Variants in VPS13C observed in about 807,000 individuals in gnomAD.
The protein encoded by VPS13C is intermembrane lipid transfer protein VPS13C.
Under a neutral mutation model 456.8 loss-of-function variants are expected in VPS13C, and 358 were observed. That is an observed-to-expected ratio of 0.78 (90% CI 0.72 to 0.86). The LOEUF (loss-of-function observed/expected upper bound fraction) is 0.86, where lower values mean the gene tolerates loss of function less well. Ranked by LOEUF, VPS13C falls within the 40% of genes least tolerant of loss-of-function variation. The pLI is 0.00. For missense variants in VPS13C, 4,818 were observed against 4,385.4 expected (o/e 1.10, Z -2.79); for synonymous variants, 1,578 against 1,486.7 (o/e 1.06, Z -1.41).
At chr15:61,900,324 T>A (rs1261646983) in intron 66 of VPS13C, among the ~76,000 whole-genome samples, 2 of 152,136 alleles carry the variant, frequency 1.3e-5, no homozygotes, top group African/African-American at 2.4e-5. Flanking sequence ...AGTCAAATTG[T>A]CCCTGTTTGC....
chr15:61,901,274 C>G (rs1292164789), intron 66 of VPS13C, among the ~76,000 whole-genome samples: 5 of 152,088 alleles, frequency 3.3e-5, no homozygotes. Flanking sequence ...TCTAGTTAAA[C>G]TAAAGAGCTT....
chr15:62,035,812 G>A (rs1250593452), intron 3 of VPS13C, among the ~76,000 whole-genome samples: 3 of 152,006 alleles, frequency 2.0e-5, no homozygotes, highest in African/African-American at 4.8e-5. Context: ...CTCCTGAGGT[G>A]AGCCCACAAA....
At chr15:62,027,743 T>C (rs1266485615) in intron 6 of VPS13C, among the ~76,000 whole-genome samples, 1 of 152,116 alleles carries the variant, frequency 6.6e-6, no homozygotes, top group African/African-American at 2.4e-5. Context: ...ATTATTTTAA[T>C]ATATTTGGTA....
chr15:61,966,112 C>T lies in VPS13C; in HGVS notation c.3022G>A (p.Ala1008Thr), dbSNP rs1198453511. Residue 1008 changes from alanine to threonine, a missense_variant, in exon 30 of 85, where the codon GCT becomes ACT. By Grantham distance (58) the Ala-to-Thr change is moderately conservative. This residue lies in a region of VPS13C where 4,552 missense variants were observed against 4,130.6 expected (regional missense o/e 1.10). Transcript: ENST00000644861. ...ADKNGPSFQTAFGKTEQTVKV... is the reference protein window; with the variant it reads ...ADKNGPSFQTTFGKTEQTVKV... ...ACTGTTTGTTCAGTTTTTCCAAAAGCAGTTTGAAAACTAGGTCCATTCTTA... is the reference window on the plus strand; with the variant it reads ...ACTGTTTGTTCAGTTTTTCCAAAAGTAGTTTGAAAACTAGGTCCATTCTTA... 1.2e-6 allele frequency: 2 copies of T among 1,604,570 alleles called. No individual in the cohort carries two copies. Among genetic ancestry groups the T allele is most frequent in the East Asian group, 2.3e-5 (1 of 44,400 alleles).
chr15:62,037,945 G>C (rs973357483), intron 3 of VPS13C, among the ~76,000 whole-genome samples: 2 of 152,048 alleles, frequency 1.3e-5, no homozygotes, highest in Non-Finnish European at 2.9e-5. Flanking sequence ...CATATAAAAT[G>C]ACCCAAACGG....
At chr15:62,003,063 A>G (rs533958894) in intron 15 of VPS13C, among the ~76,000 whole-genome samples, 1 of 152,250 alleles carries the variant, frequency 6.6e-6, no homozygotes, top group East Asian at 1.9e-4. Flanking sequence ...GAAGAAAGGC[A>G]TTGGTAGCTT....
chr15:62,034,982 T>C lies in VPS13C; in HGVS notation c.258A>G (p.Leu86=), dbSNP rs116528523. ...TTGCTCCAGGGACAACAAGCAGGTA[T>C]AATCCTTCCAGGGTCGCAACAACTG... ...GEAVVATLEG[L]YLLVVPGASI... The change falls in exon 4 of 85, where the codon TTA becomes TTG. Residue 86 remains leucine (L), a synonymous_variant. Coordinates refer to ENST00000644861, the MANE Select transcript of VPS13C (RefSeq NM_020821.3). The C allele has an allele frequency of 2.3e-4, 366 of 1,601,662 alleles. 3 individuals are homozygous for C. In the East Asian group the frequency reaches 8.1e-3, roughly 35 times the overall value.
At position 61,936,727 on chromosome 15, in the gene VPS13C, C is replaced by T. The variant is rs1002068059; in HGVS notation, c.5625G>A (p.Leu1875=). ...PMQVALSEDD[L]TVLMKILLEN... ...CTAGCAAAATTTTCATTAAAACTGT[C>T]AAGTCATCTTCACTGAGAGCAACCT... is the stretch of plus-strand genomic sequence containing the variant. Residue 1875 remains leucine, a synonymous_variant, in exon 48 of 85, where the codon TTG becomes TTA. Transcript: ENST00000644861. 1.2e-6 allele frequency: 2 copies of T among 1,612,384 alleles called. No homozygotes were observed. The highest frequency in any genetic ancestry group is 2.7e-5 in the African/African-American group (2 of 74,804).
intron 43 of VPS13C, among the ~76,000 whole-genome samples, chr15:61,946,842 A>G (rs2044623077): frequency 6.6e-6 from 1 of 152,084 alleles, no homozygotes; most frequent in South Asian, 2.1e-4. Flanking sequence ...CTAAAAATAA[A>G]TGAACATTAC....
intron 66 of VPS13C, among the ~76,000 whole-genome samples, chr15:61,903,322 C>T (rs910098257): frequency 6.6e-5 from 10 of 151,090 alleles, no homozygotes; most frequent in South Asian, 2.1e-4. Flanking sequence ...GGTGACAGAG[C>T]GAGACCCTGT....
At chr15:61,931,359 C>T (rs1384321828) in intron 49 of VPS13C, 100 bp from the exon 50 acceptor site, 1 of 1,232,518 alleles carries the variant, frequency 8.1e-7, no homozygotes, top group Non-Finnish European at 1.1e-6. Flanking sequence ...GCAAACTGAT[C>T]TCATGAATTT....
intron 22 of VPS13C, among the ~76,000 whole-genome samples, chr15:61,980,344 G>GC (rs940800713): frequency 1.3e-5 from 2 of 152,138 alleles, no homozygotes; most frequent in African/African-American, 4.8e-5. Flanking sequence ...AAAGGTCATG[G>GC]CAACAGTTTT....
intron 66 of VPS13C, among the ~76,000 whole-genome samples, chr15:61,894,806 C>T (rs1215087398): frequency 6.6e-6 from 1 of 152,132 alleles, no homozygotes; most frequent in African/African-American, 2.4e-5. Flanking sequence ...TCAACACCCC[C>T]ACTCTCAGTA....
chr15:61,993,721 G>A (rs778665206), intron 16 of VPS13C, among the ~76,000 whole-genome samples: 1 of 152,008 alleles, frequency 6.6e-6, no homozygotes, highest in South Asian at 2.1e-4. Context: ...ACAAAGAACA[G>A]TGAAGAAAAG....
At chr15:62,037,264 ATATTATATAATATATTATATATAT>A (rs1433094988) in intron 3 of VPS13C, among the ~76,000 whole-genome samples, 1 of 25,590 alleles carries the variant, frequency 3.9e-5, no homozygotes, top group South Asian at 7.3e-4. Context: ...TATATATATT[ATATTATATAATATATTATATATAT>A]TATATTATAT....
At position 61,853,470 on chromosome 15, in the gene VPS13C, C is replaced by T. The variant is rs1433106261; in HGVS notation, c.*987G>A. 2.0e-5 allele frequency: 3 copies of T among 152,090 alleles called. No individual in the cohort carries two copies. Among genetic ancestry groups the T allele is most frequent in the Non-Finnish European group, 4.4e-5 (3 of 68,034 alleles). 9.4% of individuals were successfully genotyped at this position (152,090 alleles called of 1,614,324 possible). On this transcript the variant is annotated 3_prime_UTR_variant, in exon 85 of 85. Transcript: ENST00000644861. ...TACTTCCAAATTTTTATGAATGCTA[C>T]ATTACAGAGGGCAGAGTGTAGCTAT...
chr15:61,936,475 T>G (rs2044229530), intron 48 of VPS13C, 122 bp downstream of exon 48: 11 of 949,964 alleles, frequency 1.2e-5, no homozygotes, highest in Non-Finnish European at 1.5e-5. Flanking sequence ...ATTTCCACAG[T>G]AAGTAGTACA....
chr15:61,978,701 C>T lies in VPS13C; in HGVS notation c.2215G>A (p.Glu739Lys). ...TCATATGCCTTATCCATTATTTCTT[C>T]CAGAGATGAATTAGTAGTCTTCTGT... The part of the protein sequence containing the change: ...GLQKTTNSSL[E>K]EIMDKAYDKF... Residue 739 changes from glutamate to lysine, a missense_variant, in exon 23 of 85, where the codon GAA (glutamate) becomes AAA (lysine). By Grantham distance (56) the Glu-to-Lys change is moderately conservative. Around this residue, in one of 3 missense-constraint regions of VPS13C, gnomAD observed 4,552 missense variants for 4,130.6 expected, o/e 1.10. Coordinates refer to ENST00000644861, the MANE Select transcript of VPS13C (RefSeq NM_020821.3). 6.2e-7 allele frequency: 1 copy of T among 1,611,974 alleles called. No homozygotes were observed. Among genetic ancestry groups the T allele is most frequent in the Non-Finnish European group, 8.5e-7 (1 of 1,179,216 alleles).
At position 61,985,523 on chromosome 15, in the gene VPS13C, C is replaced by G. The variant is rs71411474; in HGVS notation, c.1579-524G>C. Among the ~76,000 whole-genome samples the G allele has an allele frequency of 6.0e-3, 908 of 152,296 alleles. 3 individuals carry two copies. Among genetic ancestry groups the G allele is most frequent in the Non-Finnish European group, 9.5e-3 (647 of 68,016 alleles). On this transcript the variant is annotated intron_variant, in intron 18 of 84. Transcript: ENST00000644861. ...CTGCCCACCTCAGCCTCCCAGAGTGCTAGGATTAAAGGCGTGAGCCACCGT... is the reference window on the plus strand; with the variant it reads ...CTGCCCACCTCAGCCTCCCAGAGTGGTAGGATTAAAGGCGTGAGCCACCGT...
Sources: allele counts gnomAD v4.1 joint callset (sites outside exome capture counted in the v4.1 genomes callset), GRCh38; gene constraint gnomAD v4.1.1; regional missense constraint gnomAD v4.1.1; transcripts MANE v1.5; gene names NCBI Gene and HGNC (gene_info 2026-07-23, HGNC 2026-07-21).